KCNIP4: variants seen among roughly 807,000 people sequenced by gnomAD.
KCNIP4 encodes the protein Kv channel-interacting protein 4.
In KCNIP4, 12 loss-of-function variants were observed where a neutral mutation model predicts 34.0. The observed-to-expected ratio is 0.35, with a 90% confidence interval of 0.23 to 0.57. The LOEUF is 0.57. Ranked by LOEUF, KCNIP4 falls within the 20% of genes least tolerant of loss-of-function variation. The pLI, the probability that KCNIP4 is intolerant of heterozygous loss-of-function variation, is 0.83. For missense variants in KCNIP4, 238 were observed against 311.7 expected (o/e 0.76, Z 1.78); for synonymous variants, 124 against 102.2 (o/e 1.21, Z -1.29).
intron 3 of KCNIP4, among the ~76,000 whole-genome samples, chr4:20,794,941 T>A (rs1305360893): frequency 2.0e-5 from 3 of 152,206 alleles, no homozygotes; most frequent in African/African-American, 7.2e-5. Flanking sequence ...AAGACTGGAT[T>A]TGGTTAATCT....
intron 1 of KCNIP4, among the ~76,000 whole-genome samples, chr4:21,075,851 C>T (rs943214443): frequency 1.3e-5 from 2 of 152,148 alleles, no homozygotes; most frequent in Admixed American, 1.3e-4. Context: ...CAAAATCTCT[C>T]AGCATTTGCT....
At chr4:21,757,247 GA>G (rs750991137) in intron 1 of KCNIP4, among the ~76,000 whole-genome samples, 329 of 21,402 alleles carry the variant, frequency 0.015, 5 homozygotes, top group East Asian at 0.033. Context: ...AAGAAAGAAA[GA>G]AAAGAAAAGA....
chr4:21,194,345 T>C (rs1755899726), intron 1 of KCNIP4, among the ~76,000 whole-genome samples: 1 of 152,308 alleles, frequency 6.6e-6, no homozygotes, highest in South Asian at 2.1e-4. Flanking sequence ...TACTAGTCTC[T>C]GCATAAAAAT....
intron 1 of KCNIP4, among the ~76,000 whole-genome samples, chr4:21,334,503 A>T (rs1028794942): frequency 6.6e-6 from 1 of 152,024 alleles, no homozygotes; most frequent in African/African-American, 2.4e-5. Flanking sequence ...CATTTTTTAA[A>T]ATAGCTTTTT....
At chr4:21,368,879 A>G (rs1206387836) in intron 1 of KCNIP4, among the ~76,000 whole-genome samples, 1 of 147,504 alleles carries the variant, frequency 6.8e-6, no homozygotes, top group Non-Finnish European at 1.5e-5. Context: ...GTGAAAGAAT[A>G]ACAGGGCAAA....
intron 1 of KCNIP4, among the ~76,000 whole-genome samples, chr4:21,838,537 G>A (rs377420524): frequency 1.3e-5 from 2 of 152,148 alleles, no homozygotes; most frequent in East Asian, 1.9e-4. Flanking sequence ...CTGGTTACCC[G>A]TTGGTCTACC....
chr4:21,373,191 T>A (rs1179235303), intron 1 of KCNIP4, among the ~76,000 whole-genome samples: 6 of 146,552 alleles, frequency 4.1e-5, no homozygotes, highest in Non-Finnish European at 8.8e-5. Flanking sequence ...GCTGTGGTGG[T>A]GTGCACTTGT....
intron 1 of KCNIP4, among the ~76,000 whole-genome samples, chr4:21,752,771 T>C (rs1195341173): frequency 3.3e-5 from 5 of 152,176 alleles, no homozygotes; most frequent in Non-Finnish European, 2.9e-5. Context: ...TGTTTTGTTA[T>C]AGCTAGGCTA....
At chr4:21,638,814 T>C (rs1296931264) in intron 1 of KCNIP4, among the ~76,000 whole-genome samples, 2 of 152,188 alleles carry the variant, frequency 1.3e-5, no homozygotes, top group East Asian at 1.9e-4. Flanking sequence ...ATTTCAGTCT[T>C]GAAAGATGGC....
chr4:21,241,020 A>G (rs10019782), intron 1 of KCNIP4, among the ~76,000 whole-genome samples: 14,404 of 152,222 alleles, frequency 0.095, 2,189 homozygotes, highest in African/African-American at 0.32. Context: ...AGTTAGATAA[A>G]TTAATATATA....
At chr4:21,482,396 C>A (rs1731507216) in intron 1 of KCNIP4, among the ~76,000 whole-genome samples, 1 of 152,102 alleles carries the variant, frequency 6.6e-6, no homozygotes. Context: ...GATGCAGTTT[C>A]TTCCTAGCCT....
At chr4:20,947,594 T>G (rs1732319697) in intron 1 of KCNIP4, among the ~76,000 whole-genome samples, 1 of 152,214 alleles carries the variant, frequency 6.6e-6, no homozygotes, top group Non-Finnish European at 1.5e-5. Context: ...CATGAATTTT[T>G]AATATGCAAA....
rs1160169512 is a variant in KCNIP4, at chr4:20,748,894, G to GTGTGTA, written c.429+767_429+768insTACACA. Among the ~76,000 whole-genome samples, 316 of 145,252 alleles carry GTGTGTA rather than the reference G, an allele frequency of 2.2e-3. 1 individual carries two copies. Among genetic ancestry groups the GTGTGTA allele is most frequent in the African/African-American group, 5.7e-3 (225 of 39,738 alleles). On this transcript the variant is annotated intron_variant, in intron 5 of 8. Transcript: ENST00000382152. ...CGTGTGTGTGTGTATGTGTGTGTGTGTATATATATATATATATATATATGA... is the reference window on the plus strand; with the variant it reads ...CGTGTGTGTGTGTATGTGTGTGTGTGTGTGTATATATATATATATATATATATATGA...
chr4:20,893,919 G>A (rs928623755), intron 1 of KCNIP4, among the ~76,000 whole-genome samples: 6 of 151,988 alleles, frequency 3.9e-5, no homozygotes, highest in Non-Finnish European at 8.8e-5. Flanking sequence ...CCATGATCAA[G>A]CTCCATGCTG....
At chr4:21,679,211 C>G (rs1189157979) in intron 1 of KCNIP4, among the ~76,000 whole-genome samples, 1 of 152,166 alleles carries the variant, frequency 6.6e-6, no homozygotes, top group Non-Finnish European at 1.5e-5. Flanking sequence ...AATGCACACT[C>G]TAACCTCCAC....
intron 1 of KCNIP4, among the ~76,000 whole-genome samples, chr4:21,395,196 A>G (rs901286999): frequency 6.6e-6 from 1 of 152,158 alleles, no homozygotes; most frequent in African/African-American, 2.4e-5. Flanking sequence ...GTGAGAAATA[A>G]GGCTTCCATA....
At chr4:21,933,052 G>GAAAA (rs35062040) in intron 1 of KCNIP4, among the ~76,000 whole-genome samples, 1 of 100,028 alleles carries the variant, frequency 1.0e-5, no homozygotes, top group Non-Finnish European at 2.0e-5. Context: ...AAAGGTAAAC[G>GAAAA]AAAAAAAAAA....
In KCNIP4 at chr4:20,907,554, T is replaced by C. The variant is rs377385541; in HGVS notation, c.62-24845A>G. On this transcript the variant is annotated intron_variant, in intron 1 of 8. Transcript: ENST00000382152. The stretch of plus-strand genomic sequence containing the variant: ...ACCACACTGGCAATAACAGACATAG[T>C]TTTTTTGAGTAAACTGCTATGGACA... Among the ~76,000 whole-genome samples, 17 of 152,246 alleles carry C rather than the reference T, an allele frequency of 1.1e-4. No individual in the cohort carries two copies. In the South Asian group the frequency reaches 3.5e-3, roughly 32 times the overall value.
intron 1 of KCNIP4, among the ~76,000 whole-genome samples, chr4:21,840,129 T>C (rs1723589073): frequency 6.6e-6 from 1 of 151,874 alleles, no homozygotes; most frequent in African/African-American, 2.4e-5. Flanking sequence ...ACAGCAGATG[T>C]GTAGGGCACA....
Sources: gnomAD v4.1 joint callset for allele counts (sites outside exome capture counted in the v4.1 genomes callset) on GRCh38, gnomAD v4.1.1 for gene constraint, MANE v1.5 for transcripts, NCBI Gene and HGNC (gene_info 2026-07-23, HGNC 2026-07-21) for gene names.